Variants in IQCJ observed in about 807,000 individuals in gnomAD.
IQCJ encodes IQ motif containing J, also known as IQ domain-containing protein J.
A neutral mutation model predicts 11.0 loss-of-function variants in IQCJ; 9 were observed. The ratio of observed to expected loss-of-function variants is 0.82; its 90% CI spans 0.49 to 1.43. The LOEUF is 1.43. IQCJ is among the 40% of genes most tolerant of loss of function. The pLI, the probability that IQCJ is intolerant of heterozygous loss-of-function variation, is 0.00. For synonymous variants in IQCJ, 55 were observed against 51.3 expected, an observed-to-expected ratio of 1.07 and a Z score of -0.31; for missense variants, 146 against 133.2, an observed-to-expected ratio of 1.10 and a Z score of -0.47.
intron 1 of IQCJ, among the ~76,000 whole-genome samples, chr3:159,117,236 T>A (rs1164244293): frequency 6.6e-6 from 1 of 152,128 alleles, no homozygotes; most frequent in Admixed American, 6.6e-5. Flanking sequence ...TTGTTGAAGC[T>A]CTCTTCTTCT....
At chr3:159,152,449 G>A (rs79512392) in intron 1 of IQCJ, among the ~76,000 whole-genome samples, 1,806 of 152,198 alleles carry the variant, frequency 0.012, 41 homozygotes, top group African/African-American at 0.041. Context: ...TCCAATGTAC[G>A]TTACCATGTG....
intron 1 of IQCJ, among the ~76,000 whole-genome samples, chr3:159,132,281 C>G (rs549671427): frequency 1.3e-4 from 20 of 152,192 alleles, no homozygotes; most frequent in African/African-American, 4.3e-4. Context: ...TCCTTTTAAG[C>G]TCTAAGTAAC....
intron 1 of IQCJ, among the ~76,000 whole-genome samples, chr3:159,108,006 CAAAAAAAAAA>C (rs367862873): frequency 9.9e-6 from 1 of 100,944 alleles, no homozygotes; most frequent in African/African-American, 4.0e-5. Flanking sequence ...TATGGTTTTC[CAAAAAAAAAA>C]AAAAAAAAAG....
intron 1 of IQCJ, among the ~76,000 whole-genome samples, chr3:159,174,988 A>G (rs1441274170): frequency 6.6e-6 from 1 of 152,122 alleles, no homozygotes; most frequent in Non-Finnish European, 1.5e-5. Context: ...GATTGCCCCA[A>G]TTTATACCCT....
chr3:159,246,533 C>A (rs1020188785), intron 2 of IQCJ, among the ~76,000 whole-genome samples: 15 of 152,074 alleles, frequency 9.9e-5, no homozygotes, highest in African/African-American at 3.4e-4. Context: ...GAAATAAACC[C>A]GGGTTTGGTT....
At chr3:159,230,481 A>T (rs1560034812) in intron 1 of IQCJ, among the ~76,000 whole-genome samples, 1 of 152,208 alleles carries the variant, frequency 6.6e-6, no homozygotes, top group Non-Finnish European at 1.5e-5. Context: ...TGATGTATCC[A>T]GGAGATTATA....
At chr3:159,117,307 G>C (rs144809981) in intron 1 of IQCJ, among the ~76,000 whole-genome samples, 4 of 152,132 alleles carry the variant, frequency 2.6e-5, no homozygotes. Flanking sequence ...GGAGGAAGCC[G>C]GGCAACTACT....
At chr3:159,265,654 A>T (rs1728455945), downstream of IQCJ, 1 of 353,184 alleles carries the variant, frequency 2.8e-6, no homozygotes, top group Admixed American at 4.0e-5. Flanking sequence ...TATTGCTGTT[A>T]CTGCCTAGAC....
chr3:159,214,654 C>T (rs151248805), intron 1 of IQCJ, among the ~76,000 whole-genome samples: 1 of 152,286 alleles, frequency 6.6e-6, no homozygotes, highest in Non-Finnish European at 1.5e-5. Flanking sequence ...CTTCTAGCTC[C>T]CAGCCCTATA....
chr3:159,169,271 C>A lies in IQCJ; in HGVS notation c.10-76572C>A, dbSNP rs376233372. On this transcript the variant is annotated intron_variant, in intron 1 of 3. Coordinates refer to ENST00000397832, the MANE Select transcript of IQCJ (RefSeq NM_001042706.3). ...GTTCTTTTTTTTTTCCCTTTTCTTT[C>A]TTTCTTTCTTTTTTTTTTTTTTTTT... Among the ~76,000 whole-genome samples, 502 of 107,216 alleles carry A rather than the reference C, an allele frequency of 4.7e-3. 3 individuals are homozygous for A. The highest frequency in any genetic ancestry group is 0.015 in the African/African-American group (430 of 28,800). 70.3% of individuals were successfully genotyped at this position (107,216 alleles called of 152,430 possible).
intron 1 of IQCJ, among the ~76,000 whole-genome samples, chr3:159,191,215 C>T (rs1458892100): frequency 6.6e-6 from 1 of 152,110 alleles, no homozygotes; most frequent in East Asian, 1.9e-4. Context: ...CCTGGCTAGA[C>T]GGAGGCTTCC....
At chr3:159,251,124 T>C (rs1184543683) in intron 2 of IQCJ, among the ~76,000 whole-genome samples, 1 of 152,076 alleles carries the variant, frequency 6.6e-6, no homozygotes, top group East Asian at 1.9e-4. Context: ...AACCCCAAGC[T>C]ATCTTGGGGT....
At chr3:159,228,580 G>C (rs1214041597) in intron 1 of IQCJ, among the ~76,000 whole-genome samples, 2 of 152,110 alleles carry the variant, frequency 1.3e-5, no homozygotes, top group African/African-American at 4.8e-5. Flanking sequence ...CACGAGGTCA[G>C]GAGATCGAGA....
At chr3:159,134,728 C>T (rs1720191271) in intron 1 of IQCJ, among the ~76,000 whole-genome samples, 1 of 152,206 alleles carries the variant, frequency 6.6e-6, no homozygotes, top group South Asian at 2.1e-4. Context: ...ACCAGCCCCA[C>T]TTCCACCATC....
intron 3 of IQCJ, among the ~76,000 whole-genome samples, chr3:159,256,898 G>T (rs1410366865): frequency 6.6e-6 from 1 of 152,132 alleles, no homozygotes; most frequent in African/African-American, 2.4e-5. Flanking sequence ...TTTGGGCTAA[G>T]TAATTTACAT....
intron 1 of IQCJ, among the ~76,000 whole-genome samples, chr3:159,233,264 G>A (rs1726374081): frequency 6.6e-6 from 1 of 152,112 alleles, no homozygotes; most frequent in Non-Finnish European, 1.5e-5. Context: ...GTCCTGCCAG[G>A]CCCAGGGGCT....
chr3:159,212,616 A>G (rs936676858), intron 1 of IQCJ, among the ~76,000 whole-genome samples: 2 of 152,204 alleles, frequency 1.3e-5, no homozygotes, highest in Non-Finnish European at 2.9e-5. Context: ...TTTACCACTC[A>G]TATTAAACTC....
intron 1 of IQCJ, among the ~76,000 whole-genome samples, chr3:159,182,395 C>G (rs1210421229): frequency 6.6e-6 from 1 of 151,876 alleles, no homozygotes; most frequent in Non-Finnish European, 1.5e-5. Flanking sequence ...CTTACTTGGT[C>G]CTTGGCAAGA....
chr3:159,254,540 A>T (rs138989873), intron 3 of IQCJ, among the ~76,000 whole-genome samples: 59 of 152,314 alleles, frequency 3.9e-4, no homozygotes, highest in Non-Finnish European at 6.3e-4. Context: ...CTTGAGTCCC[A>T]TTGGAGAGTT....
Sources: allele counts gnomAD v4.1 joint callset (sites outside exome capture counted in the v4.1 genomes callset), GRCh38; gene constraint gnomAD v4.1.1; transcripts MANE v1.5; gene names NCBI Gene and HGNC (gene_info 2026-07-23, HGNC 2026-07-21).